Variants in SGCZ observed in about 807,000 individuals in gnomAD.
SGCZ encodes the protein zeta-sarcoglycan.
A neutral mutation model predicts 41.3 loss-of-function variants in SGCZ; 40 were observed. That is an observed-to-expected ratio of 0.97 (90% confidence interval 0.75 to 1.26). SGCZ has a LOEUF of 1.26. Ranked by LOEUF, SGCZ falls within the 50% of genes most tolerant of loss-of-function variation. SGCZ has a pLI of 0.00. For synonymous variants in SGCZ, 206 were observed against 137.5 expected (o/e 1.50, Z -3.49); for missense variants, 552 against 369.8 (o/e 1.49, Z -4.04).
At chr8:14,972,572 CT>C (rs1801337302) in intron 1 of SGCZ, among the ~76,000 whole-genome samples, 1 of 152,072 alleles carries the variant, frequency 6.6e-6, no homozygotes, top group Admixed American at 6.6e-5. Context: ...GTTCTCTGCT[CT>C]TTTTCTCTTT....
At chr8:14,264,980 C>T (rs1319815921) in intron 3 of SGCZ, among the ~76,000 whole-genome samples, 1 of 151,946 alleles carries the variant, frequency 6.6e-6, no homozygotes, top group African/African-American at 2.4e-5. Flanking sequence ...AACAAACAAA[C>T]AAAAACACAA....
chr8:14,794,958 A>T (rs1739326100), intron 1 of SGCZ, among the ~76,000 whole-genome samples: 1 of 152,214 alleles, frequency 6.6e-6, no homozygotes, highest in African/African-American at 2.4e-5. Context: ...AGAGTTAAGG[A>T]GCACAATAAC....
In SGCZ at chr8:14,222,792, A is replaced by ATTTTTTTTTTT. The variant is rs775444301; in HGVS notation, c.424+14789_424+14799dup. On this transcript the variant is annotated intron_variant, in intron 4 of 7. Transcript: ENST00000382080. Reference sequence around the variant, plus strand: ...ATTCCACCCTCTCTCAGTCACAGTGATTTTTTTTTTTTTTTTTTTTTTTTT... The same window carrying ATTTTTTTTTTT: ...ATTCCACCCTCTCTCAGTCACAGTGATTTTTTTTTTTTTTTTTTTTTTTTTTTTTTTTTTTT... 2.0e-4 allele frequency among the ~76,000 whole-genome samples: 10 copies of ATTTTTTTTTTT among 48,896 alleles called. 1 individual carries two copies. Among genetic ancestry groups the ATTTTTTTTTTT allele is most frequent in the African/African-American group, 9.1e-4 (10 of 11,006 alleles). 32.1% of individuals were successfully genotyped at this position (48,896 alleles called of 152,430 possible). A position where few individuals can be genotyped will look rare whatever the true frequency, so the allele number is the denominator to read the frequency against.
chr8:14,658,578 A>C (rs1290942562), intron 1 of SGCZ, among the ~76,000 whole-genome samples: 1 of 152,056 alleles, frequency 6.6e-6, no homozygotes, highest in Non-Finnish European at 1.5e-5. Flanking sequence ...CCCACTCCTT[A>C]ATTCTTACTT....
At chr8:14,120,737 A>G (rs906056873) in intron 5 of SGCZ, among the ~76,000 whole-genome samples, 1 of 152,128 alleles carries the variant, frequency 6.6e-6, no homozygotes, top group Non-Finnish European at 1.5e-5. Context: ...TGAGACTGCT[A>G]CTGCTATGGA....
At chr8:15,232,407 G>T (rs1801972097) in intron 1 of SGCZ, among the ~76,000 whole-genome samples, 2 of 151,940 alleles carry the variant, frequency 1.3e-5, no homozygotes, top group Non-Finnish European at 2.9e-5. Flanking sequence ...TATGTAGGCT[G>T]GAACATATGC....
At chr8:15,173,476 G>A (rs747303062) in intron 1 of SGCZ, among the ~76,000 whole-genome samples, 5 of 152,176 alleles carry the variant, frequency 3.3e-5, no homozygotes, top group African/African-American at 7.2e-5. Context: ...CTCACTGAAT[G>A]TAGAGAATTA....
At chr8:14,443,880 C>A (rs895564419) in intron 2 of SGCZ, among the ~76,000 whole-genome samples, 1 of 152,110 alleles carries the variant, frequency 6.6e-6, no homozygotes, top group African/African-American at 2.4e-5. Context: ...AGGCAACCTA[C>A]AGAATGGGAG....
intron 2 of SGCZ, among the ~76,000 whole-genome samples, chr8:14,380,433 T>G (rs2117188461): frequency 6.6e-6 from 1 of 152,054 alleles, no homozygotes; most frequent in South Asian, 2.1e-4. Flanking sequence ...TGATGAAAGG[T>G]TATCAAAATA....
At chr8:15,037,244 A>T (rs1411085659) in intron 1 of SGCZ, among the ~76,000 whole-genome samples, 1 of 152,146 alleles carries the variant, frequency 6.6e-6, no homozygotes, top group African/African-American at 2.4e-5. Flanking sequence ...CCCCCATGCT[A>T]ATCTCGTGAT....
intron 1 of SGCZ, among the ~76,000 whole-genome samples, chr8:15,105,412 A>G (rs1806784044): frequency 1.3e-5 from 2 of 152,178 alleles, no homozygotes. Flanking sequence ...CTATACAAGA[A>G]GCATGGCTAG....
At chr8:14,262,957 G>C (rs904275448) in intron 3 of SGCZ, among the ~76,000 whole-genome samples, 51 of 151,978 alleles carry the variant, frequency 3.4e-4, no homozygotes, top group African/African-American at 9.9e-4. Context: ...TTATTACCTT[G>C]ATTTACGCGA....
Position 14,090,448 on chromosome 8 carries a change from T to G in SGCZ, c.934A>C (p.Ser312Arg). The change falls in exon 8 of 8, where the codon AGC (serine) becomes CGC (arginine). Residue 312 changes from serine (S) to arginine (R), a missense_variant. Transcript: ENST00000382080. ...CQSSSNICLW[S>R] ...GTGAGGAGAAATCAGTCACTTCAGCTCCACAGGCAGATGTTGCTACTGGAC... is the reference window on the plus strand; with the variant it reads ...GTGAGGAGAAATCAGTCACTTCAGCGCCACAGGCAGATGTTGCTACTGGAC... 4.3e-6 allele frequency: 7 copies of G among 1,611,594 alleles called. No homozygotes were observed. The highest frequency in any genetic ancestry group is 5.9e-6 in the Non-Finnish European group (7 of 1,178,746).
At chr8:14,631,607 T>C (rs1484106244) in intron 1 of SGCZ, among the ~76,000 whole-genome samples, 2 of 152,176 alleles carry the variant, frequency 1.3e-5, no homozygotes, top group East Asian at 1.9e-4. Flanking sequence ...TTCTGATATC[T>C]AATAAGTATG....
At position 15,165,557 on chromosome 8, in the gene SGCZ, A is replaced by G. The variant is rs530721282; in HGVS notation, c.39+72028T>C. Among the ~76,000 whole-genome samples, 6 of 152,362 alleles carry G rather than the reference A, an allele frequency of 3.9e-5. No homozygotes were observed. The South Asian group carries it at 1.2e-3, about 32-fold the overall frequency. On this transcript the variant is annotated intron_variant, in intron 1 of 7. Coordinates refer to ENST00000382080, the MANE Select transcript of SGCZ (RefSeq NM_139167.4). ...CTAACTACCCCGCAACTAAGAAGCC[A>G]TACCTTGGCTGCAGTTAGCACACAA...
At chr8:14,230,302 G>A (rs546108627) in intron 4 of SGCZ, among the ~76,000 whole-genome samples, 1 of 152,086 alleles carries the variant, frequency 6.6e-6, no homozygotes, top group Admixed American at 6.6e-5. Context: ...CATGTGTATA[G>A]AGTAGTACAC....
intron 1 of SGCZ, among the ~76,000 whole-genome samples, chr8:15,171,908 A>T (rs1163697527): frequency 6.6e-6 from 1 of 152,116 alleles, no homozygotes; most frequent in Admixed American, 6.5e-5. Context: ...CTATATTCAG[A>T]GGTCACTGAC....
In SGCZ at chr8:14,086,239, T is replaced by A. The variant is rs576484885; in HGVS notation, c.*4204A>T. ...GGCTTTGAGGATTTTATAGAAAATT[T>A]GGCTATTAAATACTTTCAATGATTT... On this transcript the variant is annotated 3_prime_UTR_variant, in exon 8 of 8. Coordinates refer to ENST00000382080, the MANE Select transcript of SGCZ (RefSeq NM_139167.4). Among the ~76,000 whole-genome samples, 1 of 151,794 alleles carries A rather than the reference T, an allele frequency of 6.6e-6. No individual in the cohort carries two copies. Among genetic ancestry groups the A allele is most frequent in the South Asian group, 2.1e-4 (1 of 4,830 alleles).
chr8:14,711,867 C>A (rs1809529961), intron 1 of SGCZ, among the ~76,000 whole-genome samples: 1 of 152,130 alleles, frequency 6.6e-6, no homozygotes, highest in African/African-American at 2.4e-5. Flanking sequence ...TGGTTTTTCG[C>A]TTAATTGAAA....
Sources: gnomAD v4.1 joint callset for allele counts (sites outside exome capture counted in the v4.1 genomes callset) on GRCh38, gnomAD v4.1.1 for gene constraint, MANE v1.5 for transcripts, NCBI Gene and HGNC (gene_info 2026-07-23, HGNC 2026-07-21) for gene names.